KMT2C: variants seen among roughly 807,000 people sequenced by gnomAD.
KMT2C encodes the protein lysine methyltransferase 2C.
A neutral mutation model predicts 507.9 loss-of-function variants in KMT2C; 88 were observed. The observed-to-expected ratio is 0.17, with a 90% CI of 0.15 to 0.21. The LOEUF is 0.21. KMT2C is among the 10% of genes least tolerant of loss of function. KMT2C has a pLI of 1.00. For synonymous variants in KMT2C, 2,049 were observed against 2,080.8 expected, an observed-to-expected ratio of 0.98 and a Z score of 0.42; for missense variants, 4,954 against 5,957.8, an observed-to-expected ratio of 0.83 and a Z score of 5.55.
chr7:152,242,953 G>A (rs2095411766), intron 14 of KMT2C, among the ~76,000 whole-genome samples: 1 of 152,118 alleles, frequency 6.6e-6, no homozygotes. Flanking sequence ...TAGGAAAAGT[G>A]AAAGCAATGA....
chr7:152,362,286 C>A lies in KMT2C; in HGVS notation c.162-3611G>T, dbSNP rs546037068. Reference sequence around the variant, plus strand: ...TAGAAGTAACAGCAAATGCAAAATTCTTGAGATGAGAGCAAGTGAGGGGGG... The same window carrying A: ...TAGAAGTAACAGCAAATGCAAAATTATTGAGATGAGAGCAAGTGAGGGGGG... On this transcript the variant is annotated intron_variant, in intron 1 of 58. Transcript: ENST00000262189. Among the ~76,000 whole-genome samples, 5 of 152,164 alleles carry A rather than the reference C, an allele frequency of 3.3e-5. No homozygotes were observed. In the South Asian group the frequency reaches 1.0e-3, roughly 32 times the overall value.
chr7:152,152,648 A>C, intron 49 of KMT2C, 57 bp downstream of exon 49: 2 of 1,591,756 alleles, frequency 1.3e-6, no homozygotes, highest in Admixed American at 3.4e-5. Context: ...TCAAAGAGTA[A>C]GCTTAACTTT....
intron 3 of KMT2C, among the ~76,000 whole-genome samples, chr7:152,324,698 T>C (rs1479786408): frequency 1.3e-5 from 2 of 151,988 alleles, no homozygotes; most frequent in Non-Finnish European, 2.9e-5. Context: ...TTTATGACAG[T>C]TACTTCAGAC....
rs2090143157 is a variant in KMT2C, at chr7:152,138,524, TACC to T, written c.14643+269_14643+271del. On this transcript the variant is annotated intron_variant, in intron 58 of 58. Transcript: ENST00000262189. The surrounding 1 kb of genome is among the most constrained non-coding windows in gnomAD (Gnocchi z 4.2). ...AGGATCCTATGGCACACAGAAATGATACCACCTGGGTGCCATGGGGATGCTGAA... is the reference window on the plus strand; with the variant it reads ...AGGATCCTATGGCACACAGAAATGATACCTGGGTGCCATGGGGATGCTGAA... 1 of 326,602 alleles carries T rather than the reference TACC, an allele frequency of 3.1e-6. No individual in the cohort carries two copies. Among genetic ancestry groups the T allele is most frequent in the Admixed American group, 4.7e-5 (1 of 21,408 alleles). 20.2% of individuals were successfully genotyped at this position (326,602 alleles called of 1,614,324 possible). A position where few individuals can be genotyped will look rare whatever the true frequency, so the allele number is the denominator to read the frequency against.
rs768216109 is a variant in KMT2C at position 152,330,652 on chromosome 7, G to C, written c.338C>G (p.Ser113Cys). The change falls in exon 3 of 59, where the codon TCT (serine) becomes TGT (cysteine). Residue 113 changes from serine to cysteine, a missense_variant. Transcript: ENST00000262189. ...QLIPTLQRSVSEESANSLVSV... is the reference protein window; with the variant it reads ...QLIPTLQRSVCEESANSLVSV... ...GACCAGGGAGTTTGCCGATTCCTCA[G>C]ACACAGATCGCTGAAGAGTTGGAAT... 1 of 1,614,120 alleles carries C rather than the reference G, an allele frequency of 6.2e-7. No homozygotes were observed. The highest frequency in any genetic ancestry group is 1.7e-5 in the Admixed American group (1 of 60,018).
chr7:152,195,458 T>A, intron 28 of KMT2C: 2 of 787,768 alleles, frequency 2.5e-6, no homozygotes, highest in Non-Finnish European at 3.1e-6. Flanking sequence ...TTGTTTCAGC[T>A]GAAATCACTA....
Position 152,195,964 on chromosome 7 carries a change from C to G in KMT2C, c.4321G>C (p.Asp1441His). 1 of 1,610,776 alleles carries G rather than the reference C, an allele frequency of 6.2e-7. No homozygotes were observed. Among genetic ancestry groups the G allele is most frequent in the South Asian group, 1.1e-5 (1 of 90,810 alleles). ...GAAATTATTCCAAGAATGTCATCAT[C>G]TGTGTTTAAAACTTCAGAAATATCA... is the stretch of plus-strand genomic sequence containing the variant. Reference protein sequence around the residue: ...LADISEVLNTDDDILGIISDD... With the variant: ...LADISEVLNTHDDILGIISDD... Residue 1441 changes from aspartate to histidine, a missense_variant, in exon 28 of 59, where the codon GAT (aspartate) becomes CAT (histidine). Asp to His is a moderately conservative substitution (Grantham distance 81). Around this residue, in one of 29 missense-constraint regions of KMT2C, gnomAD observed 140 missense variants for 118.4 expected, o/e 1.18. Transcript: ENST00000262189.
rs71198782 is a variant in KMT2C, at chr7:152,391,543, C to CTTT, written c.162-32871_162-32869dup. On this transcript the variant is annotated intron_variant, in intron 1 of 58. Coordinates refer to ENST00000262189, the MANE Select transcript of KMT2C (RefSeq NM_170606.3). ...AGACATGAGCCACTGCATGCCCGGC[C>CTTT]TTTTTTTTTTTTTTTTTTTTTGACA... Among the ~76,000 whole-genome samples the CTTT allele has an allele frequency of 4.2e-3, 409 of 96,922 alleles. 1 individual carries two copies. The highest frequency in any genetic ancestry group is 0.015 in the African/African-American group (366 of 24,520). 63.6% of individuals were successfully genotyped at this position (96,922 alleles called of 152,430 possible).
At chr7:152,241,817 C>T (rs527423039) in intron 14 of KMT2C, among the ~76,000 whole-genome samples, 1 of 152,226 alleles carries the variant, frequency 6.6e-6, no homozygotes, top group Admixed American at 6.5e-5. Flanking sequence ...AAGTCGTACT[C>T]TAAGATAAAA....
At chr7:152,139,535 C>T (rs1393600781) in intron 56 of KMT2C, 140 bp downstream of exon 56, 4 of 661,978 alleles carry the variant, frequency 6.0e-6, no homozygotes, top group Non-Finnish European at 1.1e-5. Flanking sequence ...TAAAAATACA[C>T]TAATATACAG....
In KMT2C at chr7:152,176,670, T is replaced by C. The variant is rs532814670; in HGVS notation, c.8783A>G (p.Asp2928Gly). 3 of 1,614,198 alleles carry C rather than the reference T, an allele frequency of 1.9e-6. No homozygotes were observed. The highest frequency in any genetic ancestry group is 1.3e-5 in the African/African-American group (1 of 75,036). The change falls in exon 38 of 59, where the codon GAT (aspartate) becomes GGT (glycine). Residue 2928 changes from aspartate (D) to glycine (G), a missense_variant. Physicochemically the swap from Asp to Gly is moderately conservative, Grantham distance 94 (BLOSUM62 -1). Coordinates refer to ENST00000262189, the MANE Select transcript of KMT2C (RefSeq NM_170606.3). The stretch of plus-strand genomic sequence containing the variant: ...CCCCGATGGCCTAATGTCTGAATTA[T>C]CAGATTTCTCATTAGCAAGTAAACT... ...LSSLLANEKS[D>G]NSDIRPSGSP...
chr7:152,340,847 T>A (rs1254643947), intron 2 of KMT2C, among the ~76,000 whole-genome samples: 1 of 152,088 alleles, frequency 6.6e-6, no homozygotes. Flanking sequence ...CCAAAAAATA[T>A]GCGGGCATTA....
At position 152,204,616 on chromosome 7, in the gene KMT2C, T is replaced by C. The variant is rs561229086; in HGVS notation, c.3961+490A>G. ...CTAGATAGATAGATAGATAGATAGA[T>C]AGATAGATAGATAGATAGATAGACA... On this transcript the variant is annotated intron_variant, in intron 25 of 58. Coordinates refer to ENST00000262189, the MANE Select transcript of KMT2C (RefSeq NM_170606.3). Among the ~76,000 whole-genome samples the C allele has an allele frequency of 8.6e-5, 13 of 151,060 alleles. No individual in the cohort carries two copies. In the South Asian group the frequency reaches 2.5e-3, roughly 29 times the overall value.
At chr7:152,288,145 TAACA>T (rs1180361145) in intron 6 of KMT2C, among the ~76,000 whole-genome samples, 2 of 125,628 alleles carry the variant, frequency 1.6e-5, no homozygotes, top group Non-Finnish European at 3.5e-5. Flanking sequence ...AAAAATATGC[TAACA>T]AAAATAAAAT....
In KMT2C at chr7:152,275,852, G is replaced by A. The variant is rs2096070768; in HGVS notation, c.850-1985C>T. Among the ~76,000 whole-genome samples, 4 of 151,996 alleles carry A rather than the reference G, an allele frequency of 2.6e-5. No homozygotes were observed. In the South Asian group the frequency reaches 6.2e-4, roughly 24 times the overall value. ...TGCTAAATTGTTAAAATCTAAAATC[G>A]CTTATTTTGATACCATATGGCAAGT... On this transcript the variant is annotated intron_variant, in intron 6 of 58. Transcript: ENST00000262189.
At chr7:152,213,688 G>C (rs1314048414) in intron 23 of KMT2C, among the ~76,000 whole-genome samples, 1 of 151,010 alleles carries the variant, frequency 6.6e-6, no homozygotes, top group East Asian at 1.9e-4. Context: ...CAAAAGCTCA[G>C]GTAGCAAAAG....
At chr7:152,213,353 G>A (rs2094498620) in intron 23 of KMT2C, among the ~76,000 whole-genome samples, 1 of 152,116 alleles carries the variant, frequency 6.6e-6, no homozygotes. Context: ...GTATGGTACT[G>A]GCATAAAAAC....
chr7:152,245,460 T>C (rs1165985702), intron 14 of KMT2C, among the ~76,000 whole-genome samples: 2 of 152,200 alleles, frequency 1.3e-5, no homozygotes, highest in Non-Finnish European at 2.9e-5. Context: ...CCAGGTTAAA[T>C]AAAATAGATT....
chr7:152,424,301 G>A (rs566797497), intron 1 of KMT2C, among the ~76,000 whole-genome samples: 6 of 152,016 alleles, frequency 3.9e-5, no homozygotes, highest in Middle Eastern at 3.2e-3. Flanking sequence ...TGTTCTTAGC[G>A]TCCCTTAATT....
Sources: gnomAD v4.1 joint callset for allele counts (sites outside exome capture counted in the v4.1 genomes callset) on GRCh38, gnomAD v4.1.1 for gene constraint, gnomAD v4.1.1 regional missense constraint, Gnocchi (gnomAD v3.1) non-coding constraint, MANE v1.5 for transcripts, NCBI Gene and HGNC (gene_info 2026-07-23, HGNC 2026-07-21) for gene names.